Variants in PCDH11X observed in about 807,000 individuals in gnomAD.
The protein encoded by PCDH11X is protocadherin-11 X-linked.
In PCDH11X, 18 loss-of-function variants were observed where a neutral mutation model predicts 53.3. The ratio of observed to expected loss-of-function variants is 0.34; its 90% CI spans 0.23 to 0.50. The LOEUF (loss-of-function observed/expected upper bound fraction) is 0.50, where lower values mean the gene tolerates loss of function less well. Ranked by LOEUF, PCDH11X falls within the 20% of genes least tolerant of loss-of-function variation. The pLI is 0.98. For missense variants in PCDH11X, 570 were observed against 1,032.4 expected, an observed-to-expected ratio of 0.55 and a Z score of 6.14; for synonymous variants, 279 against 393.3, an observed-to-expected ratio of 0.71 and a Z score of 3.44.
rs1403768654 is a variant in PCDH11X, at chrX:92,263,046, T to A, written c.3115-68T>A. The A allele has an allele frequency of 4.7e-5, 53 of 1,126,637 alleles. No homozygotes were observed. In the East Asian group the frequency reaches 1.5e-3, roughly 31 times the overall value. The allele number at this position is 1,126,637 out of a possible 1,213,427, so 92.8% of individuals were successfully genotyped here. ...AAAAAATGTATTTGCAGTAACCAAA[T>A]TTGAGCTGATTTTTGTTTTTGTTTT... On this transcript the variant is annotated intron_variant, in intron 7 of 10. Transcript: ENST00000682573.
intron 10 of PCDH11X, among the ~76,000 whole-genome samples, chrX:92,596,217 C>T (rs1184492687): frequency 8.0e-5 from 9 of 112,179 alleles, no homozygotes; most frequent in South Asian, 3.7e-4. Flanking sequence ...AGTGAGTACG[C>T]GCAGATGGCT....
chrX:92,325,101 G>T (rs2069298676), intron 8 of PCDH11X, among the ~76,000 whole-genome samples: 1 of 111,502 alleles, frequency 9.0e-6, no homozygotes, highest in Non-Finnish European at 1.9e-5. Context: ...TTGCTATTGT[G>T]AATAGTGCTG....
At chrX:91,880,712 T>C (rs1939852791) in intron 6 of PCDH11X, among the ~76,000 whole-genome samples, 4 of 110,284 alleles carry the variant, frequency 3.6e-5, no homozygotes, top group Non-Finnish European at 7.6e-5. Context: ...GAATTTACGC[T>C]GCAGTTGTTA....
At chrX:91,956,205 C>A (rs1229955168) in intron 6 of PCDH11X, among the ~76,000 whole-genome samples, 1 of 110,791 alleles carries the variant, frequency 9.0e-6, no homozygotes, top group East Asian at 2.8e-4. Context: ...GCTCTTTATC[C>A]ATCTTGCCAT....
In PCDH11X at chrX:91,877,204, A is replaced by T; in HGVS notation, c.964A>T (p.Asn322Tyr). 2.9e-6 allele frequency: 3 copies of T among 1,028,258 alleles called. No individual in the cohort carries two copies. Among genetic ancestry groups the T allele is most frequent in the Non-Finnish European group, 1.3e-6 (1 of 753,641 alleles). 84.7% of individuals were successfully genotyped at this position (1,028,258 alleles called of 1,213,427 possible). ...KEPLDREETP[N>Y]HKLLVLASDG... ...ACCACTGGATAGGGAAGAAACACCA[A>T]ACCACAAGTTACTGGTTTTGGCAAG... Residue 322 changes from asparagine (N) to tyrosine (Y), a missense_variant, in exon 6 of 11, where the codon AAC (asparagine) becomes TAC (tyrosine). Around this residue, in one of 6 missense-constraint regions of PCDH11X, gnomAD observed 8 missense variants for 75.1 expected, o/e 0.11. Transcript: ENST00000682573.
chrX:92,276,959 T>C (rs2068109170), intron 8 of PCDH11X, among the ~76,000 whole-genome samples: 1 of 111,465 alleles, frequency 9.0e-6, no homozygotes. Context: ...TCCAGCCACC[T>C]TTTTAAGAGT....
chrX:92,219,299 C>T (rs2066806474), intron 7 of PCDH11X, among the ~76,000 whole-genome samples: 1 of 110,681 alleles, frequency 9.0e-6, no homozygotes, highest in South Asian at 3.9e-4. Context: ...TAGAAAACTC[C>T]ATTGTCTCAG....
At chrX:92,345,909 A>G (rs1328758828) in intron 8 of PCDH11X, among the ~76,000 whole-genome samples, 1 of 109,959 alleles carries the variant, frequency 9.1e-6, no homozygotes, top group Non-Finnish European at 1.9e-5. Context: ...TTTTCTGATA[A>G]AAGTACTAGC....
rs188231248 is a variant in PCDH11X, at chrX:92,017,920, A to G, written c.3033+138647A>G. On this transcript the variant is annotated intron_variant, in intron 6 of 10. Transcript: ENST00000682573. ...GCACAACGAAATGAAGCACAATAAA[A>G]TGAGCTATGTCTGTATTGAGTCTTG... Among the ~76,000 whole-genome samples, 919 of 103,451 alleles carry G rather than the reference A, an allele frequency of 8.9e-3. 14 individuals are homozygous for G. Among genetic ancestry groups the G allele is most frequent in the African/African-American group, 0.031 (858 of 27,770 alleles). The allele number at this position is 103,451 out of a possible 115,157, so 89.8% of individuals were successfully genotyped here.
At chrX:91,987,876 TAAAAACTATAA>T (rs1027158377) in intron 6 of PCDH11X, among the ~76,000 whole-genome samples, 2 of 111,017 alleles carry the variant, frequency 1.8e-5, no homozygotes, top group African/African-American at 6.5e-5. Context: ...GAAAATTATT[TAAAAACTATAA>T]AAAACTCTCA....
At chrX:92,437,491 A>T in intron 9 of PCDH11X, among the ~76,000 whole-genome samples, 1 of 111,532 alleles carries the variant, frequency 9.0e-6, no homozygotes. Flanking sequence ...ACAGAAAACC[A>T]AATATGACTA....
chrX:92,296,449 TC>T (rs1427606400), intron 8 of PCDH11X, among the ~76,000 whole-genome samples: 2 of 107,486 alleles, frequency 1.9e-5, no homozygotes, highest in Non-Finnish European at 3.8e-5. Flanking sequence ...TTCTTTGTGT[TC>T]TTGTGTACTC....
At chrX:92,567,586 A>T (rs1310645126) in intron 10 of PCDH11X, among the ~76,000 whole-genome samples, 2 of 107,047 alleles carry the variant, frequency 1.9e-5, no homozygotes, top group Admixed American at 1.0e-4. Context: ...AAACAATTTG[A>T]CTTTCTCTCT....
intron 8 of PCDH11X, among the ~76,000 whole-genome samples, chrX:92,288,390 CTTT>C (rs756662629): frequency 6.3e-5 from 6 of 94,790 alleles, no homozygotes; most frequent in Admixed American, 2.3e-4. Context: ...TTAGTTACTT[CTTT>C]TTTTTTTTTT....
chrX:92,407,810 T>C lies in PCDH11X; in HGVS notation c.3343+19877T>C, dbSNP rs1200425205. On this transcript the variant is annotated intron_variant, in intron 9 of 10. Transcript: ENST00000682573. Reference sequence around the variant, plus strand: ...TAAACTAGTTTATAATCCCACTAAGTGTGTATGAGGTTACTCTTCCCCTAC... The same window carrying C: ...TAAACTAGTTTATAATCCCACTAAGCGTGTATGAGGTTACTCTTCCCCTAC... Among the ~76,000 whole-genome samples, 3 of 111,151 alleles carry C rather than the reference T, an allele frequency of 2.7e-5. No homozygotes were observed. The Admixed American group carries it at 2.9e-4, about 11-fold the overall frequency.
chrX:91,921,267 C>G (rs1181501458), intron 6 of PCDH11X, among the ~76,000 whole-genome samples: 2 of 110,156 alleles, frequency 1.8e-5, no homozygotes, highest in Non-Finnish European at 3.8e-5. Flanking sequence ...TGTCAATATC[C>G]CCCACCAGAG....
At chrX:92,285,836 A>G (rs1246698397) in intron 8 of PCDH11X, among the ~76,000 whole-genome samples, 1 of 111,239 alleles carries the variant, frequency 9.0e-6, no homozygotes, top group African/African-American at 3.3e-5. Context: ...AGGAACAGAG[A>G]TTTACCCACA....
At chrX:91,978,745 G>T (rs1182946419) in intron 6 of PCDH11X, among the ~76,000 whole-genome samples, 1 of 112,355 alleles carries the variant, frequency 8.9e-6, no homozygotes, top group Admixed American at 9.5e-5. Flanking sequence ...TGGTTTTTGA[G>T]ATGGTGATAA....
chrX:92,117,413 G>C (rs1461098076), intron 6 of PCDH11X, among the ~76,000 whole-genome samples: 4 of 105,262 alleles, frequency 3.8e-5, no homozygotes, highest in Non-Finnish European at 5.8e-5. Context: ...CTCCAGCCGG[G>C]GTGAAACAAC....
Sources: allele counts gnomAD v4.1 joint callset (sites outside exome capture counted in the v4.1 genomes callset), GRCh38; gene constraint gnomAD v4.1.1; regional missense constraint gnomAD v4.1.1; transcripts MANE v1.5; gene names NCBI Gene and HGNC (gene_info 2026-07-23, HGNC 2026-07-21).